Variants in RIF1 observed in about 807,000 individuals in gnomAD.
RIF1 encodes replication timing regulatory factor 1.
In RIF1, 45 loss-of-function variants were observed where a neutral mutation model predicts 247.1. The observed-to-expected ratio is 0.18, with a 90% confidence interval of 0.14 to 0.23. The LOEUF is 0.23. Among genes scored for constraint, RIF1 ranks in the 10% least tolerant of loss-of-function variants. The pLI is 1.00. For missense variants in RIF1, 2,967 were observed against 2,862.5 expected (o/e 1.04, Z -0.83); for synonymous variants, 1,087 against 978.8 (o/e 1.11, Z -2.06).
rs148795978 is a variant in RIF1 at position 151,465,325 on chromosome 2, T to G, written c.5805T>G (p.Thr1935=). 1.5e-5 allele frequency: 25 copies of G among 1,613,722 alleles called. No individual in the cohort carries two copies. In the African/African-American group the frequency reaches 2.7e-4, roughly 17 times the overall value. ...ASFHGQERTK[T]GISEEAAIEE... Reference sequence around the variant, plus strand: ...TTCATGGACAAGAGAGAACCAAAACTGGTATTTCTGAAGAAGCAGCAATAG... The same window carrying G: ...TTCATGGACAAGAGAGAACCAAAACGGGTATTTCTGAAGAAGCAGCAATAG... The change falls in exon 30 of 36, where the codon ACT becomes ACG. Residue 1935 remains threonine (T), a synonymous_variant. Coordinates refer to ENST00000444746, the MANE Select transcript of RIF1 (RefSeq NM_018151.5).
At position 151,436,963 on chromosome 2, in the gene RIF1, C is replaced by T. The variant is rs1294056305; in HGVS notation, c.1332C>T (p.Ala444=). 4 of 1,613,288 alleles carry T rather than the reference C, an allele frequency of 2.5e-6. No individual in the cohort carries two copies. The highest frequency in any genetic ancestry group is 2.5e-6 in the Non-Finnish European group (3 of 1,179,816). Residue 444 remains alanine (A), a synonymous_variant, in exon 12 of 36, where the codon GCC becomes GCT. Transcript: ENST00000444746. The part of the protein sequence containing the change: ...MLLHFLLGPE[A]LSFAKQNKLV... Reference sequence around the variant, plus strand: ...TTCATTTCTTGTTGGGTCCAGAAGCCTTGAGTTTTGCTAAGCAAAATAAAC... The same window carrying T: ...TTCATTTCTTGTTGGGTCCAGAAGCTTTGAGTTTTGCTAAGCAAAATAAAC...
chr2:151,421,241 C>G (rs905959793), intron 7 of RIF1, among the ~76,000 whole-genome samples: 2 of 152,126 alleles, frequency 1.3e-5, no homozygotes, highest in Non-Finnish European at 2.9e-5. Context: ...AAGTGAAGAC[C>G]ACTAAGGAGA....
At position 151,455,310 on chromosome 2, in the gene RIF1, TTAAAA is replaced by T. The variant is rs1229623658; in HGVS notation, c.2609+154_2609+158del. 4 of 579,592 alleles carry T rather than the reference TTAAAA, an allele frequency of 6.9e-6. No individual in the cohort carries two copies. The East Asian group carries it at 9.1e-5, about 13-fold the overall frequency. The allele number at this position is 579,592 out of a possible 1,614,324, so 35.9% of individuals were successfully genotyped here. On this transcript the variant is annotated intron_variant, in intron 22 of 35. Coordinates refer to ENST00000444746, the MANE Select transcript of RIF1 (RefSeq NM_018151.5). ...AACTACACTTTTGTTGAAAAGATAG[TTAAAA>T]TAGTATAGAAATATGAGAGAGAAAT...
At chr2:151,433,382 C>T (rs959523429) in intron 10 of RIF1, among the ~76,000 whole-genome samples, 154 bp downstream of exon 10, 1 of 152,178 alleles carries the variant, frequency 6.6e-6, no homozygotes, top group African/African-American at 2.4e-5. Flanking sequence ...AACTTAAATT[C>T]ATTTCCCACA....
chr2:151,413,239 A>C (rs1462359052), intron 3 of RIF1, among the ~76,000 whole-genome samples: 1 of 151,440 alleles, frequency 6.6e-6, no homozygotes, highest in East Asian at 1.9e-4. Flanking sequence ...CTCCATGTTG[A>C]TCAGGCTGGT....
Position 151,464,631 on chromosome 2 carries a change from A to G in RIF1, c.5111A>G (p.Asp1704Gly). Residue 1704 changes from aspartate to glycine, a missense_variant, in exon 30 of 36, where the codon GAT (aspartate) becomes GGT (glycine). By Grantham distance (94) the Asp-to-Gly change is moderately conservative (BLOSUM62 -1). Coordinates refer to ENST00000444746, the MANE Select transcript of RIF1 (RefSeq NM_018151.5). Reference sequence around the variant, plus strand: ...GAATCCTCAAAAATAGGGATATCAGATATTTCTTCGCTTTCAGAAAAAACT... The same window carrying G: ...GAATCCTCAAAAATAGGGATATCAGGTATTTCTTCGCTTTCAGAAAAAACT... Reference protein sequence around the residue: ...LGESSKIGISDISSLSEKTFQ... With the variant: ...LGESSKIGISGISSLSEKTFQ... 1 of 1,613,770 alleles carries G rather than the reference A, an allele frequency of 6.2e-7. No individual in the cohort carries two copies. Among genetic ancestry groups the G allele is most frequent in the Non-Finnish European group, 8.5e-7 (1 of 1,179,774 alleles).
chr2:151,504,916 A>AC (rs1432394308), intron 12 of RIF1, among the ~76,000 whole-genome samples: 3 of 152,124 alleles, frequency 2.0e-5, no homozygotes, highest in Non-Finnish European at 4.4e-5. Flanking sequence ...CGCAGCCTGT[A>AC]CCACTGCATT....
chr2:151,435,560 C>A lies in RIF1; in HGVS notation c.1175C>A (p.Pro392His). 1 of 1,593,098 alleles carries A rather than the reference C, an allele frequency of 6.3e-7. No homozygotes were observed. Among genetic ancestry groups the A allele is most frequent in the Middle Eastern group, 1.7e-4 (1 of 6,018 alleles). The change falls in exon 11 of 36, where the codon CCT becomes CAT. Residue 392 changes from proline to histidine, a missense_variant. Coordinates refer to ENST00000444746, the MANE Select transcript of RIF1 (RefSeq NM_018151.5). The stretch of plus-strand genomic sequence containing the variant: ...GTAGCTACATCTCCAGGTTTAAATC[C>A]TATGACTCCTGTACACAAAGGTAAG... ...CHVATSPGLN[P>H]MTPVHKGASS...
intron 9 of RIF1, chr2:151,493,595 TTAAG>T (rs2058199756): frequency 4.0e-6 from 3 of 753,954 alleles, no homozygotes; most frequent in Non-Finnish European, 4.2e-6. Context: ...AAGCAAAAGT[TTAAG>T]AAAGAAGTAA....
chr2:151,503,500 C>T (rs1575338706), intron 12 of RIF1: 11 of 1,157,572 alleles, frequency 9.5e-6, no homozygotes, highest in Non-Finnish European at 1.4e-5. Context: ...CTTTAGATAG[C>T]AGCCACATGT....
chr2:151,524,363 A>C, the RIF1 span: 1 of 1,613,934 alleles, frequency 6.2e-7, no homozygotes, highest in Admixed American at 1.7e-5. Flanking sequence ...TGGGCGACCG[A>C]GCATGCTTAA....
intron 22 of RIF1, among the ~76,000 whole-genome samples, chr2:151,456,332 G>A (rs1464688057): frequency 6.6e-6 from 1 of 152,088 alleles, no homozygotes; most frequent in African/African-American, 2.4e-5. Context: ...GAAACAAGCA[G>A]TTAATATGAT....
In RIF1 at chr2:151,422,421, GTGTT is replaced by G. The variant is rs1292295761; in HGVS notation, c.694-525_694-522del. Among the ~76,000 whole-genome samples the G allele has an allele frequency of 5.9e-5, 9 of 152,090 alleles. No individual in the cohort carries two copies. The East Asian group carries it at 1.7e-3, about 29-fold the overall frequency. ...GTAAAGTGTTAATGGTAGAATCTGA[GTGTT>G]TGTATTAGAGCATTTACTGTAAAAA... On this transcript the variant is annotated intron_variant, in intron 7 of 35. Coordinates refer to ENST00000444746, the MANE Select transcript of RIF1 (RefSeq NM_018151.5).
chr2:151,470,496 G>A (rs1246696959), intron 34 of RIF1, among the ~76,000 whole-genome samples: 1 of 152,108 alleles, frequency 6.6e-6, no homozygotes, highest in Non-Finnish European at 1.5e-5. Context: ...CAGTTTAGCA[G>A]CCCTAATCTG....
At chr2:151,460,403 T>C (rs1362419344) in intron 26 of RIF1, among the ~76,000 whole-genome samples, 1 of 152,234 alleles carries the variant, frequency 6.6e-6, no homozygotes, top group Non-Finnish European at 1.5e-5. Flanking sequence ...TGAGACTAGT[T>C]ATGAATGACT....
rs2048897587 is a variant in RIF1, at chr2:151,475,765, G to A, written c.*694G>A. Reference sequence around the variant, plus strand: ...AGTATTCATTTTTAAATGCATGATTGTACATTATGTATAGACGACAATGTT... The same window carrying A: ...AGTATTCATTTTTAAATGCATGATTATACATTATGTATAGACGACAATGTT... On this transcript the variant is annotated 3_prime_UTR_variant, in exon 36 of 36. Transcript: ENST00000444746. 1 of 152,654 alleles carries A rather than the reference G, an allele frequency of 6.6e-6. No individual in the cohort carries two copies. Among genetic ancestry groups the A allele is most frequent in the Non-Finnish European group, 1.5e-5 (1 of 68,098 alleles). The allele number at this position is 152,654 out of a possible 1,614,324, so 9.5% of individuals were successfully genotyped here. A position where few individuals can be genotyped will look rare whatever the true frequency, so the allele number is the denominator to read the frequency against.
the RIF1 span, chr2:151,526,146 G>T: frequency 6.2e-7 from 1 of 1,613,064 alleles, no homozygotes; most frequent in Non-Finnish European, 8.5e-7. Context: ...CTCATGGGCG[G>T]CTGGGGGTTA....
chr2:151,457,110 A>C (rs1402624497), intron 23 of RIF1, among the ~76,000 whole-genome samples: 3 of 151,090 alleles, frequency 2.0e-5, no homozygotes, highest in African/African-American at 7.3e-5. Flanking sequence ...TAAGGATTTA[A>C]TACTTTAAAT....
In RIF1 at chr2:151,473,993, A is replaced by G. The variant is rs1362172825; in HGVS notation, c.7125A>G (p.Pro2375=). ...QVKTRGLEEI[P]VFDISEKTVN... ...AGACTCGTGGACTAGAAGAGATTCC[A>G]GTTTTTGATATTTCTGAAAAAACAG... The change falls in exon 35 of 36, where the codon CCA becomes CCG. Residue 2375 remains proline, a synonymous_variant. Coordinates refer to ENST00000444746, the MANE Select transcript of RIF1 (RefSeq NM_018151.5). The G allele has an allele frequency of 6.3e-7, 1 of 1,597,092 alleles. No individual in the cohort carries two copies. Among genetic ancestry groups the G allele is most frequent in the Non-Finnish European group, 8.6e-7 (1 of 1,166,906 alleles).
Sources: gnomAD v4.1 joint callset for allele counts (sites outside exome capture counted in the v4.1 genomes callset) on GRCh38, gnomAD v4.1.1 for gene constraint, MANE v1.5 for transcripts, NCBI Gene and HGNC (gene_info 2026-07-23, HGNC 2026-07-21) for gene names.